The following NAA25 variants were observed in gnomAD, a reference collection of about 807,000 sequenced individuals.
NAA25 encodes N-terminal acetyltransferase B complex subunit NAA25.
In NAA25, 30 loss-of-function variants were observed where a neutral mutation model predicts 132.5. That is an observed-to-expected ratio of 0.23 (90% CI 0.17 to 0.31). The LOEUF is 0.31. NAA25 is among the 10% of genes least tolerant of loss of function. The pLI is 1.00. For synonymous variants in NAA25, 359 were observed against 401.9 expected (o/e 0.89, Z 1.28); for missense variants, 771 against 1,150.4 (o/e 0.67, Z 4.77).
At chr12:112,031,088 AT>A (rs1350339496) in intron 23 of NAA25, among the ~76,000 whole-genome samples, 2 of 152,116 alleles carry the variant, frequency 1.3e-5, no homozygotes, top group Non-Finnish European at 2.9e-5. Flanking sequence ...CCGAGTTTAC[AT>A]TTTTTAAAGT....
intron 12 of NAA25, among the ~76,000 whole-genome samples, chr12:112,060,957 G>T (rs1335758766): frequency 1.3e-5 from 2 of 152,082 alleles, no homozygotes; most frequent in Non-Finnish European, 2.9e-5. Flanking sequence ...TAAAAAGTTA[G>T]CTCATCAGAT....
At chr12:112,055,121 A>G (rs911298761) in intron 13 of NAA25, among the ~76,000 whole-genome samples, 1 of 152,230 alleles carries the variant, frequency 6.6e-6, no homozygotes, top group Non-Finnish European at 1.5e-5. Flanking sequence ...TTTAGGATCC[A>G]TCTAAAGAAA....
intron 4 of NAA25, among the ~76,000 whole-genome samples, chr12:112,086,073 T>TATATATATACACACACACACACAC (rs759148501): frequency 1.9e-5 from 1 of 53,988 alleles, no homozygotes; most frequent in African/African-American, 1.2e-4. Context: ...TATATATATA[T>TATATATATACACACACACACACAC]ACACACACAC....
At chr12:112,032,202 G>A (rs1433606345) in intron 23 of NAA25, among the ~76,000 whole-genome samples, 3 of 151,944 alleles carry the variant, frequency 2.0e-5, no homozygotes, top group East Asian at 1.9e-4. Flanking sequence ...TCCTGACTTC[G>A]TGATCTGCCT....
Position 112,029,225 on chromosome 12 carries a change from G to T in NAA25, c.*306C>A. The T allele has an allele frequency of 3.3e-6, 1 of 304,490 alleles. No homozygotes were observed. Among genetic ancestry groups the T allele is most frequent in the South Asian group, 5.3e-5 (1 of 18,770 alleles). The allele number at this position is 304,490 out of a possible 1,614,324, so 18.9% of individuals were successfully genotyped here. On this transcript the variant is annotated 3_prime_UTR_variant, in exon 24 of 24. Transcript: ENST00000261745. ...CTATTGCTGTTTTTATAGACCCCCC[G>T]CTCCCCTGAAAAGATGTTTCTGGTG...
At chr12:112,038,141 G>A (rs111420688) in intron 22 of NAA25, among the ~76,000 whole-genome samples, 7 of 152,204 alleles carry the variant, frequency 4.6e-5, no homozygotes, top group South Asian at 2.1e-4. Context: ...AGTCTCCCAG[G>A]TAGCTGGGAT....
At chr12:112,066,111 A>G (rs2136871718) in intron 11 of NAA25, among the ~76,000 whole-genome samples, 1 of 152,338 alleles carries the variant, frequency 6.6e-6, no homozygotes, top group Non-Finnish European at 1.5e-5. Context: ...GTGGGATCAC[A>G]TGAGATGACC....
At chr12:112,062,335 A>G (rs1205816510) in intron 11 of NAA25, among the ~76,000 whole-genome samples, 1 of 149,012 alleles carries the variant, frequency 6.7e-6, no homozygotes, top group African/African-American at 2.5e-5. Flanking sequence ...TGGGAGGCAG[A>G]GGTTGCTGTG....
chr12:112,053,964 C>T (rs2078507137), intron 14 of NAA25, among the ~76,000 whole-genome samples: 1 of 151,952 alleles, frequency 6.6e-6, no homozygotes, highest in African/African-American at 2.4e-5. Context: ...TAAAACAGCA[C>T]CACAAACAGA....
chr12:112,043,570 AAC>A lies in NAA25; in HGVS notation c.2250+53_2250+54del, dbSNP rs1467580850. ...ACCCACCCCAAACTCCTGTTTATAA[AAC>A]AGTCATAAATATAATTATTGCAACT... On this transcript the variant is annotated intron_variant, in intron 18 of 23. Transcript: ENST00000261745. 4 of 1,590,474 alleles carry A rather than the reference AAC, an allele frequency of 2.5e-6. No individual in the cohort carries two copies. The Admixed American group carries it at 5.1e-5, about 20-fold the overall frequency.
chr12:112,068,002 T>C (rs966195505), intron 11 of NAA25, among the ~76,000 whole-genome samples: 17 of 152,062 alleles, frequency 1.1e-4, no homozygotes, highest in African/African-American at 3.9e-4. Context: ...CCTCCCAAAG[T>C]GCTGGGATTA....
chr12:112,055,234 C>G (rs1290129644), intron 13 of NAA25, among the ~76,000 whole-genome samples: 1 of 152,048 alleles, frequency 6.6e-6, no homozygotes, highest in African/African-American at 2.4e-5. Context: ...GTAACTTCGA[C>G]ACATGGAAAT....
chr12:112,047,380 C>T (rs918712766), intron 17 of NAA25, among the ~76,000 whole-genome samples: 2 of 151,946 alleles, frequency 1.3e-5, no homozygotes, highest in African/African-American at 4.8e-5. Flanking sequence ...TACAGGCACA[C>T]GCCACCACGC....
chr12:112,074,020 C>A (rs192827852), intron 9 of NAA25, among the ~76,000 whole-genome samples: 35 of 152,070 alleles, frequency 2.3e-4, no homozygotes, highest in Non-Finnish European at 5.9e-5. Context: ...CTAATACAAT[C>A]CCATTTTTAT....
At chr12:112,035,671 C>CCA (rs2078214749) in intron 22 of NAA25, among the ~76,000 whole-genome samples, 1 of 141,792 alleles carries the variant, frequency 7.1e-6, no homozygotes, top group African/African-American at 2.8e-5. Context: ...ACAACTGAAA[C>CCA]ATCAACTTTC....
intron 1 of NAA25, among the ~76,000 whole-genome samples, chr12:112,095,001 C>T (rs145647855): frequency 2.6e-5 from 4 of 151,964 alleles, no homozygotes; most frequent in African/African-American, 9.7e-5. Flanking sequence ...ATATGGAGAC[C>T]CACCATAAAA....
intron 11 of NAA25, among the ~76,000 whole-genome samples, chr12:112,062,594 TG>T (rs1433767167): frequency 8.7e-5 from 13 of 150,144 alleles, no homozygotes; most frequent in African/African-American, 3.2e-4. Flanking sequence ...GGTGTGGTGG[TG>T]GGTGCCTGTA....
intron 11 of NAA25, among the ~76,000 whole-genome samples, chr12:112,062,958 G>A (rs2078659553): frequency 6.6e-6 from 1 of 152,012 alleles, no homozygotes; most frequent in Admixed American, 6.6e-5. Flanking sequence ...TACTCAAGAG[G>A]CTGAGGCGGG....
intron 13 of NAA25, among the ~76,000 whole-genome samples, chr12:112,058,002 C>G (rs1566009863): frequency 6.6e-6 from 1 of 152,022 alleles, no homozygotes; most frequent in African/African-American, 2.4e-5. Flanking sequence ...CAAAAGTTAG[C>G]TAGGCATAGT....
Sources: gnomAD v4.1 joint callset for allele counts (sites outside exome capture counted in the v4.1 genomes callset) on GRCh38, gnomAD v4.1.1 for gene constraint, MANE v1.5 for transcripts, NCBI Gene and HGNC (gene_info 2026-07-23, HGNC 2026-07-21) for gene names.